Variants in AFF4 observed in about 807,000 individuals in gnomAD.
AFF4 encodes the protein AF4/FMR2 family member 4.
Under a neutral mutation model 124.8 loss-of-function variants are expected in AFF4, and 13 were observed. The ratio of observed to expected loss-of-function variants is 0.10; its 90% CI spans 0.07 to 0.17. AFF4 has a LOEUF of 0.17. Among genes scored for constraint, AFF4 ranks in the 10% least tolerant of loss-of-function variants. The probability of loss-of-function intolerance (pLI) is 1.00; values close to 1 mark genes in which losing one functional copy is unlikely to be tolerated. For missense variants in AFF4, 1,092 were observed against 1,403.8 expected, an observed-to-expected ratio of 0.78 and a Z score of 3.55; for synonymous variants, 477 against 496.1, an observed-to-expected ratio of 0.96 and a Z score of 0.51.
intron 1 of AFF4, among the ~76,000 whole-genome samples, chr5:132,956,036 A>G (rs944927308): frequency 6.6e-5 from 10 of 151,288 alleles, no homozygotes; most frequent in Non-Finnish European, 7.4e-5. Context: ...TTATACTCAT[A>G]TGTATTACAC....
chr5:132,952,020 T>C (rs1324661977), intron 1 of AFF4, among the ~76,000 whole-genome samples: 2 of 152,244 alleles, frequency 1.3e-5, no homozygotes, highest in African/African-American at 4.8e-5. Context: ...AGTTTACTTA[T>C]CTACTCTCCA....
At chr5:132,896,253 GCTTA>G in intron 11 of AFF4, 66 bp downstream of exon 11, 1 of 1,504,258 alleles carries the variant, frequency 6.6e-7, no homozygotes, top group Non-Finnish European at 8.8e-7. Context: ...TTACTTTGTG[GCTTA>G]CTGAGATTTC....
intron 1 of AFF4, among the ~76,000 whole-genome samples, chr5:132,961,652 T>C (rs551201904): frequency 6.0e-4 from 91 of 152,314 alleles, no homozygotes; most frequent in Middle Eastern, 3.4e-3. Context: ...CTTTAAGAAT[T>C]CTTAATTACA....
chr5:132,955,970 C>T (rs1197588246), intron 1 of AFF4, among the ~76,000 whole-genome samples: 8 of 147,076 alleles, frequency 5.4e-5, no homozygotes, highest in African/African-American at 1.5e-4. Flanking sequence ...ATATAATGCA[C>T]AAGATGTGTA....
rs553317435 is a variant in AFF4, at chr5:132,901,649, G to A, written c.1133+793C>T. On this transcript the variant is annotated intron_variant, in intron 7 of 20. Transcript: ENST00000265343. ...GCTTCTACCAACAAAATAAAAATAA[G>A]AAAACTTAAAGACAGTACAAACTAT... Among the ~76,000 whole-genome samples, 26 of 152,228 alleles carry A rather than the reference G, an allele frequency of 1.7e-4. 1 individual carries two copies. The East Asian group carries it at 2.1e-3, about 12-fold the overall frequency.
At chr5:132,951,111 G>A (rs1036447521) in intron 1 of AFF4, among the ~76,000 whole-genome samples, 5 of 151,966 alleles carry the variant, frequency 3.3e-5, no homozygotes, top group Non-Finnish European at 7.4e-5. Flanking sequence ...TGTAGTCCTA[G>A]CTACTCAGGA....
intron 5 of AFF4, among the ~76,000 whole-genome samples, chr5:132,918,414 C>G (rs1313300273): frequency 6.6e-6 from 1 of 151,942 alleles, no homozygotes; most frequent in Non-Finnish European, 1.5e-5. Context: ...GTAATCCCAG[C>G]ACTTTGGGAG....
chr5:132,897,282 T>C (rs1473260848), intron 10 of AFF4, 42 bp from the exon 11 acceptor site: 3 of 1,575,332 alleles, frequency 1.9e-6, no homozygotes, highest in Non-Finnish European at 2.6e-6. Context: ...CGATACTGAA[T>C]GCTTTTTTCG....
At chr5:132,917,074 C>T (rs900129961) in intron 5 of AFF4, among the ~76,000 whole-genome samples, 10 of 150,580 alleles carry the variant, frequency 6.6e-5, no homozygotes, top group Admixed American at 4.6e-4. Flanking sequence ...CCATGTGCCA[C>T]GCGCCCAGCT....
At chr5:132,900,348 T>G (rs1214305321) in intron 7 of AFF4, among the ~76,000 whole-genome samples, 1 of 152,104 alleles carries the variant, frequency 6.6e-6, no homozygotes, top group Non-Finnish European at 1.5e-5. Context: ...CCTGAAGTCA[T>G]GAGTTCGAGA....
intron 5 of AFF4, among the ~76,000 whole-genome samples, chr5:132,906,070 ATACCACT>A (rs1427039168): frequency 3.3e-5 from 5 of 152,238 alleles, no homozygotes; most frequent in Admixed American, 3.3e-4. Flanking sequence ...CTACAATGAG[ATACCACT>A]TCTCAACCAC....
chr5:132,938,683 C>T (rs1214199819), intron 1 of AFF4, among the ~76,000 whole-genome samples: 3 of 151,956 alleles, frequency 2.0e-5, no homozygotes, highest in African/African-American at 4.8e-5. Flanking sequence ...GCGGCTCACG[C>T]CTGTAAACCC....
At chr5:132,889,265 C>A in intron 13 of AFF4, 92 bp from the exon 14 acceptor site, 2 of 826,974 alleles carry the variant, frequency 2.4e-6, no homozygotes, top group Non-Finnish European at 3.8e-6. Context: ...AAAAAGGAAA[C>A]AAAATTTCAT....
intron 1 of AFF4, among the ~76,000 whole-genome samples, chr5:132,955,020 T>C: frequency 6.6e-6 from 1 of 152,148 alleles, no homozygotes; most frequent in Middle Eastern, 3.2e-3. Flanking sequence ...GAGATTGTAT[T>C]GAGTGGTGGA....
intron 5 of AFF4, among the ~76,000 whole-genome samples, chr5:132,921,318 A>G (rs536426271): frequency 6.6e-6 from 1 of 152,262 alleles, no homozygotes; most frequent in South Asian, 2.1e-4. Flanking sequence ...AGGTACCACT[A>G]TAATACTGCT....
At chr5:132,949,167 CTA>C (rs1021455165) in intron 1 of AFF4, among the ~76,000 whole-genome samples, 108 of 149,818 alleles carry the variant, frequency 7.2e-4, no homozygotes, top group Non-Finnish European at 3.1e-4. Context: ...CCCAACAAAA[CTA>C]CACCAAATTA....
At chr5:132,954,432 G>A (rs1020885855) in intron 1 of AFF4, among the ~76,000 whole-genome samples, 7 of 152,332 alleles carry the variant, frequency 4.6e-5, no homozygotes, top group South Asian at 4.1e-4. Flanking sequence ...GTGAGTGGGT[G>A]CAGAAGCTTT....
At chr5:132,941,826 G>C (rs559838647) in intron 1 of AFF4, among the ~76,000 whole-genome samples, 1 of 151,930 alleles carries the variant, frequency 6.6e-6, no homozygotes, top group Non-Finnish European at 1.5e-5. Flanking sequence ...TGGCCAACAC[G>C]GGGAATCCCC....
chr5:132,909,343 A>G (rs1760741017), intron 5 of AFF4, among the ~76,000 whole-genome samples: 1 of 151,862 alleles, frequency 6.6e-6, no homozygotes. Flanking sequence ...TGGGGCCGCC[A>G]TGGTGGCCAG....
Sources: gnomAD v4.1 joint callset for allele counts (sites outside exome capture counted in the v4.1 genomes callset) on GRCh38, gnomAD v4.1.1 for gene constraint, MANE v1.5 for transcripts, NCBI Gene and HGNC (gene_info 2026-07-23, HGNC 2026-07-21) for gene names.